Variants in DAZAP1 observed in about 807,000 individuals in gnomAD.
DAZAP1 encodes the protein DAZ-associated protein 1.
DAZAP1 carries 6 observed loss-of-function variants against 60.1 expected under a neutral mutation model. That is an observed-to-expected ratio of 0.10 (90% confidence interval 0.05 to 0.20). DAZAP1 has a LOEUF of 0.20. DAZAP1 is among the 10% of genes least tolerant of loss of function. The pLI, the probability that DAZAP1 is intolerant of heterozygous loss-of-function variation, is 1.00. For synonymous variants in DAZAP1, 235 were observed against 215.9 expected (o/e 1.09, Z -0.78); for missense variants, 366 against 560.4 (o/e 0.65, Z 3.50).
intron 1 of DAZAP1, 27 bp from the exon 2 acceptor site, chr19:1,417,473 C>G (rs908782552): frequency 1.3e-6 from 2 of 1,593,760 alleles, no homozygotes; most frequent in African/African-American, 2.7e-5. Flanking sequence ...CTGTCTTGAT[C>G]CTGAATGTTT....
At chr19:1,413,755 G>A (rs898251151) in intron 1 of DAZAP1, among the ~76,000 whole-genome samples, 1 of 152,192 alleles carries the variant, frequency 6.6e-6, no homozygotes, top group Non-Finnish European at 1.5e-5. Context: ...TATGTGAAAC[G>A]AAAGCTATCT....
chr19:1,409,323 GGTGAAC>G (rs1430822767), intron 1 of DAZAP1, among the ~76,000 whole-genome samples: 1 of 152,190 alleles, frequency 6.6e-6, no homozygotes, highest in Non-Finnish European at 1.5e-5. Flanking sequence ...TCAAGCCGCG[GGTGAAC>G]GTGGGCCCGC....
Position 1,407,639 on chromosome 19 carries a change from C to CCGT in DAZAP1, c.-133_-132insTCG. The CCGT allele has an allele frequency of 1.1e-6, 1 of 894,774 alleles. No homozygotes were observed. 55.4% of individuals were successfully genotyped at this position (894,774 alleles called of 1,614,324 possible). ...GAGGCAGCCGCCGCCGCCGCCGCCG[C>CCGT]CGCCGCCGCCGCCGCCGCCGCCGTT... On this transcript the variant is annotated 5_prime_UTR_variant, in exon 1 of 12. Coordinates refer to ENST00000233078, the MANE Select transcript of DAZAP1 (RefSeq NM_018959.4).
Position 1,418,777 on chromosome 19 carries a change from C to T in DAZAP1, c.303+46C>T, listed in dbSNP as rs774519845. 2.6e-6 allele frequency: 4 copies of T among 1,532,840 alleles called. No homozygotes were observed. The highest frequency in any genetic ancestry group is 1.2e-5 in the South Asian group (1 of 80,026). The allele number at this position is 1,532,840 out of a possible 1,614,324, so 95.0% of individuals were successfully genotyped here. A position where few individuals can be genotyped will look rare whatever the true frequency, so the allele number is the denominator to read the frequency against. ...GCCTCCTTGTGTGTTCTCCACTCCACGTGGAAAGGAAATGCGTGCCTTCAA... is the reference window on the plus strand; with the variant it reads ...GCCTCCTTGTGTGTTCTCCACTCCATGTGGAAAGGAAATGCGTGCCTTCAA... On this transcript the variant is annotated intron_variant, in intron 4 of 11. Transcript: ENST00000233078. The surrounding 1 kb of genome is among the most constrained non-coding windows in gnomAD (Gnocchi z 5.7).
chr19:1,432,918 A>G lies in DAZAP1; in HGVS notation c.1048+228A>G, dbSNP rs1277380264. The stretch of plus-strand genomic sequence containing the variant: ...CGCAGCAGAGCACTCGTCATACAGC[A>G]GGTGCTGCAGGGCCTGCATGTGTGG... On this transcript the variant is annotated intron_variant, in intron 11 of 11. Transcript: ENST00000233078. The surrounding 1 kb of genome is among the most constrained non-coding windows in gnomAD (Gnocchi z 4.9). The G allele has an allele frequency of 5.5e-6, 3 of 549,574 alleles. No individual in the cohort carries two copies. In the Admixed American group the frequency reaches 1.0e-4, roughly 19 times the overall value. The allele number at this position is 549,574 out of a possible 1,614,324, so 34.0% of individuals were successfully genotyped here. A position where few individuals can be genotyped will look rare whatever the true frequency, so the allele number is the denominator to read the frequency against.
Position 1,423,770 on chromosome 19 carries a change from G to T in DAZAP1, c.463+1374G>T, listed in dbSNP as rs753076209. 6.6e-5 allele frequency among the ~76,000 whole-genome samples: 10 copies of T among 152,250 alleles called. No homozygotes were observed. Among genetic ancestry groups the T allele is most frequent in the African/African-American group, 2.4e-4 (10 of 41,472 alleles). ...AAACTTGAGCGCGCGGGAATCTGAGGGTTGCTTCTAGATCCTCCCGGTCCC... is the reference window on the plus strand; with the variant it reads ...AAACTTGAGCGCGCGGGAATCTGAGTGTTGCTTCTAGATCCTCCCGGTCCC... On this transcript the variant is annotated intron_variant, in intron 6 of 11. Coordinates refer to ENST00000233078, the MANE Select transcript of DAZAP1 (RefSeq NM_018959.4). The surrounding 1 kb of genome is among the most constrained non-coding windows in gnomAD (Gnocchi z 6.8).
intron 1 of DAZAP1, among the ~76,000 whole-genome samples, chr19:1,409,136 G>T (rs944738962): frequency 3.9e-5 from 6 of 152,238 alleles, no homozygotes; most frequent in Non-Finnish European, 5.9e-5. Flanking sequence ...CCCCTGCCTA[G>T]CCCGTGCTGT....
In DAZAP1 at chr19:1,435,519, CTG is replaced by C. The variant is rs1274773967; in HGVS notation, c.*608_*609del. 1 of 152,230 alleles carries C rather than the reference CTG, an allele frequency of 6.6e-6. No homozygotes were observed. Among genetic ancestry groups the C allele is most frequent in the Non-Finnish European group, 1.5e-5 (1 of 68,058 alleles). 9.4% of individuals were successfully genotyped at this position (152,230 alleles called of 1,614,324 possible). A position where few individuals can be genotyped will look rare whatever the true frequency, so the allele number is the denominator to read the frequency against. ...TGTCGACTGACCTGCTTGGTAGTGT[CTG>C]AGGTGAACTGTGGGGGTTGCGCACA... On this transcript the variant is annotated 3_prime_UTR_variant, in exon 12 of 12. Coordinates refer to ENST00000233078, the MANE Select transcript of DAZAP1 (RefSeq NM_018959.4).
intron 9 of DAZAP1, 86 bp downstream of exon 9, chr19:1,430,082 C>G: frequency 6.3e-7 from 1 of 1,582,890 alleles, no homozygotes; most frequent in Admixed American, 1.8e-5. Flanking sequence ...GCCGGCAAAG[C>G]CTGGTTCCCG....
chr19:1,410,721 G>A (rs2082804284), intron 1 of DAZAP1, among the ~76,000 whole-genome samples: 1 of 152,216 alleles, frequency 6.6e-6, no homozygotes, highest in South Asian at 2.1e-4. Flanking sequence ...GGCTCAGAGG[G>A]GTCACCTCGA....
rs1166529805 is a variant in DAZAP1, at chr19:1,422,590, G to T, written c.463+194G>T. 6.6e-6 allele frequency among the ~76,000 whole-genome samples: 1 copy of T among 152,232 alleles called. No individual in the cohort carries two copies. The highest frequency in any genetic ancestry group is 1.5e-5 in the Non-Finnish European group (1 of 68,050). On this transcript the variant is annotated intron_variant, in intron 6 of 11. Transcript: ENST00000233078. This position sits in a 1 kb window ranked among gnomAD's most constrained non-coding sequence, Gnocchi z 4.5. Reference sequence around the variant, plus strand: ...AGCCTGTCTGTGCTTCCCGAGGTCAGACGTCACACATTGTTTTTTGGCTTG... The same window carrying T: ...AGCCTGTCTGTGCTTCCCGAGGTCATACGTCACACATTGTTTTTTGGCTTG...
chr19:1,410,743 A>G (rs772433360), intron 1 of DAZAP1, among the ~76,000 whole-genome samples: 1 of 152,200 alleles, frequency 6.6e-6, no homozygotes, highest in Admixed American at 6.5e-5. Context: ...CGCCCAGGCC[A>G]TTGTGTTCTG....
At chr19:1,429,275 C>T (rs571685570) in intron 8 of DAZAP1, among the ~76,000 whole-genome samples, 8 of 152,238 alleles carry the variant, frequency 5.3e-5, no homozygotes, top group Non-Finnish European at 7.3e-5. Context: ...CTGCACCTCG[C>T]GACCGTGTGC....
rs1387074629 is a variant in DAZAP1, at chr19:1,422,356, G to A, written c.423G>A (p.Glu141=). Residue 141 remains glutamate, a synonymous_variant, in exon 6 of 12, where the codon GAG becomes GAA. Coordinates refer to ENST00000233078, the MANE Select transcript of DAZAP1 (RefSeq NM_018959.4). The surrounding 1 kb of genome is among the most constrained non-coding windows in gnomAD (Gnocchi z 4.5). ...CCACCCTCTCCTTCCAGGTCACGGAGGTAGTCATGATCTATGACGCCGAGA... is the reference window on the plus strand; with the variant it reads ...CCACCCTCTCCTTCCAGGTCACGGAAGTAGTCATGATCTATGACGCCGAGA... ...EYFKKFGVVT[E]VVMIYDAEKQ... is the part of the protein sequence containing the mutation. The A allele has an allele frequency of 6.2e-7, 1 of 1,614,136 alleles. No homozygotes were observed. The highest frequency in any genetic ancestry group is 1.7e-5 in the Admixed American group (1 of 60,032).
At position 1,428,998 on chromosome 19, in the gene DAZAP1, A is replaced by G. The variant is rs1486204855; in HGVS notation, c.700+3A>G. 2 of 1,587,252 alleles carry G rather than the reference A, an allele frequency of 1.3e-6. No homozygotes were observed. Among genetic ancestry groups the G allele is most frequent in the African/African-American group, 2.7e-5 (2 of 74,092 alleles). On this transcript the variant is annotated splice_donor_region_variant and intron_variant, in intron 8 of 11. Transcript: ENST00000233078. This position sits in a 1 kb window ranked among gnomAD's most constrained non-coding sequence, Gnocchi z 4.0. ...GCAGCAAGGATATGGCCCGCAAGGT[A>G]AGGCTGATGCAGAGGTGCCCACGGG...
chr19:1,421,342 G>A (rs774079371), intron 5 of DAZAP1, 84 bp downstream of exon 5: 145 of 1,223,020 alleles, frequency 1.2e-4, no homozygotes, highest in South Asian at 7.2e-4. Flanking sequence ...TGGAGTGGCC[G>A]AGCCACAGGT....
rs1226213019 is a variant in DAZAP1, at chr19:1,426,007, A to G, written c.546+47A>G. Reference sequence around the variant, plus strand: ...TTACCTTAAGACCAAACCAAGTCTTAGGCAACTTAGGGGTTTCACTGGAAA... The same window carrying G: ...TTACCTTAAGACCAAACCAAGTCTTGGGCAACTTAGGGGTTTCACTGGAAA... On this transcript the variant is annotated intron_variant, in intron 7 of 11. Transcript: ENST00000233078. This position sits in a 1 kb window ranked among gnomAD's most constrained non-coding sequence, Gnocchi z 5.4. 7.6e-7 allele frequency: 1 copy of G among 1,313,954 alleles called. No homozygotes were observed. Among genetic ancestry groups the G allele is most frequent in the Admixed American group, 1.7e-5 (1 of 59,656 alleles). 81.4% of individuals were successfully genotyped at this position (1,313,954 alleles called of 1,614,324 possible). A position where few individuals can be genotyped will look rare whatever the true frequency, so the allele number is the denominator to read the frequency against.
intron 10 of DAZAP1, among the ~76,000 whole-genome samples, chr19:1,431,189 C>CGCCAT (rs1247652102): frequency 1.3e-5 from 2 of 151,448 alleles, no homozygotes; most frequent in Admixed American, 6.6e-5. Flanking sequence ...AGTGCAGTGG[C>CGCCAT]GCCATCTCGG....
intron 10 of DAZAP1, among the ~76,000 whole-genome samples, chr19:1,431,615 G>T (rs887351223): frequency 1.3e-5 from 2 of 152,170 alleles, no homozygotes; most frequent in African/African-American, 2.4e-5. Flanking sequence ...TTTTAGTAGA[G>T]AACAGGTTTC....
Sources: allele counts gnomAD v4.1 joint callset (sites outside exome capture counted in the v4.1 genomes callset), GRCh38; gene constraint gnomAD v4.1.1; non-coding constraint Gnocchi (gnomAD v3.1); transcripts MANE v1.5; gene names NCBI Gene and HGNC (gene_info 2026-07-23, HGNC 2026-07-21).